The following ABCC4 variants were observed in gnomAD, a reference collection of about 807,000 sequenced individuals.
ABCC4 encodes the protein ATP-binding cassette sub-family C member 4.
A neutral mutation model predicts 168.5 loss-of-function variants in ABCC4; 102 were observed. The observed-to-expected ratio is 0.61, with a 90% CI of 0.52 to 0.71. The LOEUF is 0.71. Among genes scored for constraint, ABCC4 ranks in the 30% least tolerant of loss-of-function variants. The probability of loss-of-function intolerance (pLI) is 0.00; values close to 1 mark genes in which losing one functional copy is unlikely to be tolerated. For missense variants in ABCC4, 1,402 were observed against 1,605.8 expected, an observed-to-expected ratio of 0.87 and a Z score of 2.17; for synonymous variants, 617 against 590.7, an observed-to-expected ratio of 1.04 and a Z score of -0.65.
chr13:95,069,187 G>A (rs1333301713), intron 25 of ABCC4, among the ~76,000 whole-genome samples: 6 of 152,178 alleles, frequency 3.9e-5, no homozygotes, highest in Admixed American at 6.5e-5. Flanking sequence ...CCCAGAGAAC[G>A]GGCTGTTGCG....
At chr13:95,167,536 A>T (rs1355100327) in intron 14 of ABCC4, among the ~76,000 whole-genome samples, 1 of 152,176 alleles carries the variant, frequency 6.6e-6, no homozygotes, top group Non-Finnish European at 1.5e-5. Flanking sequence ...CACTGAGGAA[A>T]ATCCAACGAC....
intron 11 of ABCC4, among the ~76,000 whole-genome samples, chr13:95,183,375 C>A (rs1391196158): frequency 6.6e-6 from 1 of 152,128 alleles, no homozygotes; most frequent in Non-Finnish European, 1.5e-5. Context: ...CAGAATAATT[C>A]CAGTATTGCT....
intron 3 of ABCC4, among the ~76,000 whole-genome samples, chr13:95,242,757 T>G (rs1368216708): frequency 6.6e-6 from 1 of 152,162 alleles, no homozygotes; most frequent in Admixed American, 6.5e-5. Context: ...CTCACTACCT[T>G]CATCTTAAGA....
chr13:95,174,262 C>G (rs2037584407), intron 13 of ABCC4, among the ~76,000 whole-genome samples: 1 of 152,158 alleles, frequency 6.6e-6, no homozygotes, highest in South Asian at 2.1e-4. Context: ...CTTAACAACT[C>G]TCGATATATA....
rs898207329 is a variant in ABCC4 at position 95,126,907 on chromosome 13, T to C, written c.2456-10906A>G. On this transcript the variant is annotated intron_variant, in intron 19 of 30. Coordinates refer to ENST00000645237, the MANE Select transcript of ABCC4 (RefSeq NM_005845.5). ...TATATATATATATTTAAGTACACCA[T>C]TAAAAAGCTAGGGGGGAAATTTAAC... is the stretch of plus-strand genomic sequence containing the variant. 5.4e-5 allele frequency among the ~76,000 whole-genome samples: 5 copies of C among 92,708 alleles called. No homozygotes were observed. The East Asian group carries it at 1.3e-3, about 25-fold the overall frequency. The allele number at this position is 92,708 out of a possible 152,430, so 60.8% of individuals were successfully genotyped here.
intron 20 of ABCC4, among the ~76,000 whole-genome samples, chr13:95,110,677 A>G (rs2035172893): frequency 2.0e-5 from 3 of 152,180 alleles, no homozygotes; most frequent in Admixed American, 1.3e-4. Context: ...GAAGTAATCA[A>G]GCACTTCTGG....
chr13:95,140,924 C>A (rs1472644237), intron 19 of ABCC4, among the ~76,000 whole-genome samples: 1 of 152,234 alleles, frequency 6.6e-6, no homozygotes, highest in Non-Finnish European at 1.5e-5. Flanking sequence ...AATCAGGCTT[C>A]TGCACGACAT....
At chr13:95,186,646 G>A in intron 11 of ABCC4, 55 bp downstream of exon 11, 2 of 1,495,148 alleles carry the variant, frequency 1.3e-6, no homozygotes, top group Non-Finnish European at 1.8e-6. Flanking sequence ...TTGTTCAAGT[G>A]AACACTAGTA....
intron 6 of ABCC4, among the ~76,000 whole-genome samples, chr13:95,208,765 C>T (rs979401759): frequency 6.6e-6 from 1 of 151,794 alleles, no homozygotes. Context: ...GGATTACAGG[C>T]GTGTACCACC....
chr13:95,026,733 A>G (rs186616420), intron 30 of ABCC4, among the ~76,000 whole-genome samples: 56 of 151,728 alleles, frequency 3.7e-4, no homozygotes, highest in Non-Finnish European at 6.2e-4. Flanking sequence ...TATGGGGGGA[A>G]AAAAAATTAG....
chr13:95,144,986 C>T (rs888107310), intron 19 of ABCC4, among the ~76,000 whole-genome samples: 2 of 151,838 alleles, frequency 1.3e-5, no homozygotes, highest in African/African-American at 4.8e-5. Context: ...AAAAAACAAA[C>T]AACTCCAGTA....
At chr13:95,215,480 T>C (rs1490656792) in intron 4 of ABCC4, among the ~76,000 whole-genome samples, 1 of 152,114 alleles carries the variant, frequency 6.6e-6, no homozygotes, top group Non-Finnish European at 1.5e-5. Context: ...ATGGTAATGG[T>C]GCATTTTGGA....
chr13:95,053,262 A>G, intron 26 of ABCC4, 78 bp from the exon 27 acceptor site: 2 of 1,086,314 alleles, frequency 1.8e-6, no homozygotes, highest in South Asian at 2.6e-5. Context: ...CAACAATAGA[A>G]TTAAGATACC....
At chr13:95,259,224 T>C (rs899775074) in intron 1 of ABCC4, among the ~76,000 whole-genome samples, 4 of 151,936 alleles carry the variant, frequency 2.6e-5, no homozygotes, top group African/African-American at 7.3e-5. Context: ...CTATCTCTAC[T>C]AAAAATTTAG....
intron 30 of ABCC4, among the ~76,000 whole-genome samples, chr13:95,026,341 T>C (rs371786197): frequency 7.4e-6 from 1 of 135,936 alleles, no homozygotes; most frequent in Non-Finnish European, 1.7e-5. Flanking sequence ...CAGGATAGGA[T>C]TGAGCAAACA....
At chr13:95,271,683 T>C (rs1566588453) in intron 1 of ABCC4, among the ~76,000 whole-genome samples, 1 of 152,216 alleles carries the variant, frequency 6.6e-6, no homozygotes, top group Non-Finnish European at 1.5e-5. Flanking sequence ...TGGAACCTTC[T>C]TGGTTCCTTA....
At chr13:95,187,057 C>A (rs375750301) in intron 10 of ABCC4, among the ~76,000 whole-genome samples, 165 bp from the exon 11 acceptor site, 11 of 152,194 alleles carry the variant, frequency 7.2e-5, no homozygotes, top group African/African-American at 2.7e-4. Context: ...TAATGGTCCA[C>A]ATAAACTAGT....
At chr13:95,149,691 G>A (rs553129846) in intron 19 of ABCC4, among the ~76,000 whole-genome samples, 1 of 152,300 alleles carries the variant, frequency 6.6e-6, no homozygotes, top group Admixed American at 6.5e-5. Context: ...GTGTGGAATT[G>A]TATGTGGAGA....
At chr13:95,232,379 ATACTT>A (rs1335919057) in intron 4 of ABCC4, among the ~76,000 whole-genome samples, 1 of 152,118 alleles carries the variant, frequency 6.6e-6, no homozygotes, top group Non-Finnish European at 1.5e-5. Flanking sequence ...TCAAAGAAGA[ATACTT>A]TAAATTTAAA....
Sources: gnomAD v4.1 joint callset for allele counts (sites outside exome capture counted in the v4.1 genomes callset) on GRCh38, gnomAD v4.1.1 for gene constraint, MANE v1.5 for transcripts, NCBI Gene and HGNC (gene_info 2026-07-23, HGNC 2026-07-21) for gene names.